ENO4: variants seen among roughly 807,000 people sequenced by gnomAD.
The protein encoded by ENO4 is 2-phospho-D-glycerate hydro-lyase.
A neutral mutation model predicts 63.2 loss-of-function variants in ENO4; 53 were observed. The observed-to-expected ratio is 0.84, with a 90% CI of 0.67 to 1.05. ENO4 has a LOEUF of 1.05. Ranked by LOEUF, ENO4 falls within the 50% of genes least tolerant of loss-of-function variation. The pLI, the probability that ENO4 is intolerant of heterozygous loss-of-function variation, is 0.00. For synonymous variants in ENO4, 266 were observed against 283.8 expected, an observed-to-expected ratio of 0.94 and a Z score of 0.63; for missense variants, 719 against 772.0, an observed-to-expected ratio of 0.93 and a Z score of 0.81.
chr10:116,893,061 T>C (rs1020024509), intron 10 of ENO4, among the ~76,000 whole-genome samples: 5 of 152,306 alleles, frequency 3.3e-5, no homozygotes, highest in South Asian at 2.1e-4. Flanking sequence ...AACAGTAATT[T>C]TGAGATTTAC....
At chr10:116,908,712 AG>A (rs1354444495) in intron 10 of ENO4, among the ~76,000 whole-genome samples, 25 of 152,218 alleles carry the variant, frequency 1.6e-4, no homozygotes, top group Admixed American at 1.6e-3. Flanking sequence ...ATACCTTTCA[AG>A]GATATCTTTT....
chr10:116,907,122 C>A (rs764608873), intron 10 of ENO4, among the ~76,000 whole-genome samples: 5 of 152,122 alleles, frequency 3.3e-5, no homozygotes, highest in Non-Finnish European at 7.3e-5. Context: ...AGAAGGAAAT[C>A]TTTATATGGC....
chr10:116,903,506 C>T (rs1371769282), intron 10 of ENO4, among the ~76,000 whole-genome samples: 1 of 151,448 alleles, frequency 6.6e-6, no homozygotes, highest in Non-Finnish European at 1.5e-5. Flanking sequence ...GCCTGGGCGA[C>T]AAGAGAGACT....
chr10:116,859,007 A>C lies in ENO4; in HGVS notation c.503A>C (p.Lys168Thr). ...DHLLRIFFAS[K>T]VQEDKGRKEL... Reference sequence around the variant, plus strand: ...CTATTAAGGATATTCTTCGCAAGTAAAGTACAAGAAGATAAGGGGAGAAAA... The same window carrying C: ...CTATTAAGGATATTCTTCGCAAGTACAGTACAAGAAGATAAGGGGAGAAAA... The change falls in exon 4 of 14, where the codon AAA becomes ACA. Residue 168 changes from lysine (K) to threonine (T), a missense_variant. By Grantham distance (78) the Lys-to-Thr change is moderately conservative (BLOSUM62 -1). Around this residue, in one of 3 missense-constraint regions of ENO4, gnomAD observed 544 missense variants for 583.6 expected, o/e 0.93. Transcript: ENST00000341276. 1 of 1,534,930 alleles carries C rather than the reference A, an allele frequency of 6.5e-7. No individual in the cohort carries two copies. Among genetic ancestry groups the C allele is most frequent in the Non-Finnish European group, 8.7e-7 (1 of 1,146,122 alleles).
chr10:116,856,479 A>G lies in ENO4; in HGVS notation c.295-13A>G, dbSNP rs1305819662. On this transcript the variant is annotated splice_polypyrimidine_tract_variant and intron_variant, in intron 2 of 13. Transcript: ENST00000341276. ...GGTAGGGAAAGTGTTGAACACATTT[A>G]TATGATTTTCAGAACGTATGTTCTG... is the stretch of plus-strand genomic sequence containing the variant. 1.3e-6 allele frequency: 2 copies of G among 1,534,240 alleles called. No homozygotes were observed. Among genetic ancestry groups the G allele is most frequent in the Middle Eastern group, 1.7e-4 (1 of 6,010 alleles).
chr10:116,903,992 G>A (rs1326040959), intron 10 of ENO4, among the ~76,000 whole-genome samples: 2 of 152,198 alleles, frequency 1.3e-5, no homozygotes, highest in Non-Finnish European at 2.9e-5. Context: ...GGGAACATTA[G>A]TTAAATGCCT....
chr10:116,905,407 T>A (rs1847931582), intron 10 of ENO4, among the ~76,000 whole-genome samples: 1 of 152,112 alleles, frequency 6.6e-6, no homozygotes, highest in South Asian at 2.1e-4. Flanking sequence ...GTAGTTGTTT[T>A]GGGGGGCACA....
chr10:116,871,007 G>A lies in ENO4; in HGVS notation c.1048-118G>A, dbSNP rs7918835. 40 of 833,388 alleles carry A rather than the reference G, an allele frequency of 4.8e-5. No homozygotes were observed. In the African/African-American group the frequency reaches 5.8e-4, roughly 12 times the overall value. 51.6% of individuals were successfully genotyped at this position (833,388 alleles called of 1,614,324 possible). On this transcript the variant is annotated intron_variant, in intron 8 of 13. Transcript: ENST00000341276. ...GTGAATCAATCCTAAGTAGGATTGA[G>A]AATCAAAGGACTGATCTTTGCAGAG...
Position 116,849,740 on chromosome 10 carries a change from C to T in ENO4, c.165+9C>T, listed in dbSNP as rs1846003273. Reference sequence around the variant, plus strand: ...ACGTCTACGGGCACCTGGTAGGGACCTGGGACAAGCGCTCTCCTCCCGCCA... The same window carrying T: ...ACGTCTACGGGCACCTGGTAGGGACTTGGGACAAGCGCTCTCCTCCCGCCA... On this transcript the variant is annotated intron_variant, in intron 1 of 13. Coordinates refer to ENST00000341276, the MANE Select transcript of ENO4 (RefSeq NM_001242699.2). The T allele has an allele frequency of 1.5e-5, 22 of 1,503,744 alleles. No individual in the cohort carries two copies. Among genetic ancestry groups the T allele is most frequent in the Admixed American group, 2.2e-5 (1 of 45,846 alleles). 93.2% of individuals were successfully genotyped at this position (1,503,744 alleles called of 1,614,324 possible). A position where few individuals can be genotyped will look rare whatever the true frequency, so the allele number is the denominator to read the frequency against.
At chr10:116,852,515 G>A (rs1346637642) in intron 1 of ENO4, among the ~76,000 whole-genome samples, 4 of 152,188 alleles carry the variant, frequency 2.6e-5, no homozygotes, top group Non-Finnish European at 5.9e-5. Context: ...TACACTTCCA[G>A]TGTGAACACC....
At chr10:116,882,676 C>T (rs1397067452), downstream of ENO4, 1 of 152,214 alleles carries the variant, frequency 6.6e-6, no homozygotes, top group Non-Finnish European at 1.5e-5. Context: ...ATTAAGCACA[C>T]TGAGGACCTC....
downstream of ENO4, chr10:116,884,235 T>C (rs1472360767): frequency 2.2e-6 from 1 of 458,188 alleles, no homozygotes; most frequent in African/African-American, 2.0e-5. Context: ...GTCTTCCTAT[T>C]TGGGATCCCT....
At chr10:116,899,540 TGTGTGTGAGA>T (rs1448776820) in intron 10 of ENO4, among the ~76,000 whole-genome samples, 2,796 of 91,300 alleles carry the variant, frequency 0.031, 54 homozygotes, top group African/African-American at 0.048. Context: ...TGTGTGTGTG[TGTGTGTGAGA>T]GAGTGCATGC....
chr10:116,854,050 C>T (rs746722231), intron 1 of ENO4, among the ~76,000 whole-genome samples: 22 of 152,316 alleles, frequency 1.4e-4, no homozygotes, highest in Non-Finnish European at 2.8e-4. Flanking sequence ...GCAGGCTTCT[C>T]GAGTGGGCTT....
At chr10:116,867,344 A>C (rs1846572553) in intron 7 of ENO4, among the ~76,000 whole-genome samples, 1 of 151,810 alleles carries the variant, frequency 6.6e-6, no homozygotes, top group Admixed American at 6.6e-5. Flanking sequence ...ATTCTAGAAT[A>C]CATTGCATTT....
intron 1 of ENO4, among the ~76,000 whole-genome samples, chr10:116,850,915 G>A (rs984517177): frequency 6.6e-6 from 1 of 152,184 alleles, no homozygotes; most frequent in African/African-American, 2.4e-5. Flanking sequence ...GTACCCAGCA[G>A]AGTGCATGGC....
chr10:116,881,494 CTTTA>C lies in ENO4; in HGVS notation c.1724-18_1724-15del. ...TGGCACCATTGGATTAGACAGTAAA[CTTTA>C]TTGTTACTTTAAATAGGTTTCAAAG... On this transcript the variant is annotated splice_polypyrimidine_tract_variant and intron_variant, in intron 13 of 13. Transcript: ENST00000341276. The C allele has an allele frequency of 1.3e-6, 2 of 1,518,976 alleles. No homozygotes were observed. Among genetic ancestry groups the C allele is most frequent in the African/African-American group, 1.4e-5 (1 of 71,720 alleles). 94.1% of individuals were successfully genotyped at this position (1,518,976 alleles called of 1,614,324 possible).
chr10:116,884,265 A>G, downstream of ENO4: 1 of 459,216 alleles, frequency 2.2e-6, no homozygotes, highest in Non-Finnish European at 4.4e-6. Flanking sequence ...TGACAGTGTC[A>G]CCCCAGCCAG....
chr10:116,861,169 T>A lies in ENO4; in HGVS notation c.915T>A (p.His305Gln). 5 of 1,511,456 alleles carry A rather than the reference T, an allele frequency of 3.3e-6. No individual in the cohort carries two copies. The South Asian group carries it at 6.4e-5, about 19-fold the overall frequency. The allele number at this position is 1,511,456 out of a possible 1,614,324, so 93.6% of individuals were successfully genotyped here. The part of the protein sequence containing the change: ...NLMKEVICIP[H>Q]PELTTKQGVE... Reference sequence around the variant, plus strand: ...TGAAAGAAGTGATTTGTATACCCCATCCTGAATTAACAACCAAACAAGTAC... The same window carrying A: ...TGAAAGAAGTGATTTGTATACCCCAACCTGAATTAACAACCAAACAAGTAC... The change falls in exon 6 of 14, where the codon CAT (histidine) becomes CAA (glutamine). Residue 305 changes from histidine to glutamine, a missense_variant. Around this residue, in one of 3 missense-constraint regions of ENO4, gnomAD observed 544 missense variants for 583.6 expected, o/e 0.93. Coordinates refer to ENST00000341276, the MANE Select transcript of ENO4 (RefSeq NM_001242699.2).
Sources: allele counts gnomAD v4.1 joint callset (sites outside exome capture counted in the v4.1 genomes callset), GRCh38; gene constraint gnomAD v4.1.1; regional missense constraint gnomAD v4.1.1; transcripts MANE v1.5; gene names NCBI Gene and HGNC (gene_info 2026-07-23, HGNC 2026-07-21).